Variants in TCF7L1 observed in about 807,000 individuals in gnomAD.
The protein encoded by TCF7L1 is transcription factor 7 like 1.
Under a neutral mutation model 63.7 loss-of-function variants are expected in TCF7L1, and 18 were observed. The observed-to-expected ratio is 0.28, with a 90% CI of 0.20 to 0.42. TCF7L1 has a LOEUF of 0.42. TCF7L1 is among the 10% of genes least tolerant of loss of function. TCF7L1 has a pLI of 1.00. For missense variants in TCF7L1, 654 were observed against 779.3 expected (o/e 0.84, Z 1.91); for synonymous variants, 355 against 340.9 (o/e 1.04, Z -0.46).
intron 3 of TCF7L1, among the ~76,000 whole-genome samples, chr2:85,149,307 A>G (rs550491756): frequency 7.7e-4 from 103 of 134,118 alleles, no homozygotes; most frequent in African/African-American, 2.9e-3. Context: ...ATGTGTATAT[A>G]TGTATATACA....
intron 4 of TCF7L1, among the ~76,000 whole-genome samples, chr2:85,294,599 T>C (rs1031620880): frequency 2.0e-5 from 3 of 152,188 alleles, no homozygotes; most frequent in Admixed American, 1.3e-4. Context: ...GAGAGTTTCA[T>C]GTCAAATTAT....
chr2:85,244,708 G>A (rs1680418899), intron 3 of TCF7L1, among the ~76,000 whole-genome samples: 1 of 152,118 alleles, frequency 6.6e-6, no homozygotes, highest in Admixed American at 6.5e-5. Flanking sequence ...TAGAAGTCAG[G>A]GATGAGGTCT....
intron 3 of TCF7L1, among the ~76,000 whole-genome samples, chr2:85,282,413 G>C (rs1268450417): frequency 6.6e-6 from 1 of 152,248 alleles, no homozygotes; most frequent in Non-Finnish European, 1.5e-5. Flanking sequence ...CAACCTGTCA[G>C]CGTTGACACT....
intron 3 of TCF7L1, among the ~76,000 whole-genome samples, chr2:85,236,540 A>G (rs867644907): frequency 3.3e-5 from 5 of 152,188 alleles, no homozygotes; most frequent in South Asian, 2.1e-4. Context: ...ATGAATTTTC[A>G]AGAGAAAGGT....
chr2:85,234,389 C>T (rs544257612), intron 3 of TCF7L1, among the ~76,000 whole-genome samples: 59 of 152,250 alleles, frequency 3.9e-4, no homozygotes, highest in Non-Finnish European at 7.4e-4. Flanking sequence ...CCACCTCGGC[C>T]TCCCAAAGTG....
At chr2:85,176,986 CAAA>C (rs774094748) in intron 3 of TCF7L1, among the ~76,000 whole-genome samples, 2 of 66,780 alleles carry the variant, frequency 3.0e-5, no homozygotes, top group African/African-American at 4.8e-5. Context: ...GACTCTGTCT[CAAA>C]AAAAAAAAAA....
At chr2:85,196,493 A>C (rs1259895966) in intron 3 of TCF7L1, among the ~76,000 whole-genome samples, 1 of 151,914 alleles carries the variant, frequency 6.6e-6, no homozygotes, top group Non-Finnish European at 1.5e-5. Flanking sequence ...GATGATTTGG[A>C]ATGTCCAGGC....
At chr2:85,214,874 A>C (rs1488384377) in intron 3 of TCF7L1, among the ~76,000 whole-genome samples, 2 of 152,252 alleles carry the variant, frequency 1.3e-5, no homozygotes, top group African/African-American at 4.8e-5. Context: ...CACCTTGGCA[A>C]CATTTGAATA....
intron 3 of TCF7L1, among the ~76,000 whole-genome samples, chr2:85,249,435 G>A (rs72840015): frequency 0.052 from 7,945 of 152,300 alleles, 287 homozygotes; most frequent in Non-Finnish European, 0.078. Flanking sequence ...CTGAGGATAT[G>A]TTTGTTCTTT....
rs760081564 is a variant in TCF7L1, at chr2:85,133,961, G to C, written c.249+28G>C. 6 of 1,578,020 alleles carry C rather than the reference G, an allele frequency of 3.8e-6. No individual in the cohort carries two copies. Among genetic ancestry groups the C allele is most frequent in the East Asian group, 2.3e-5 (1 of 43,012 alleles). On this transcript the variant is annotated intron_variant, in intron 1 of 11. Transcript: ENST00000282111. The surrounding 1 kb of genome is among the most constrained non-coding windows in gnomAD (Gnocchi z 4.4). The stretch of plus-strand genomic sequence containing the variant: ...AAGGAAGCACCGCGGCCACCCCCGG[G>C]GGATCCCGGCCCTGCGTCCGCTCAC...
intron 3 of TCF7L1, among the ~76,000 whole-genome samples, chr2:85,280,143 T>G (rs2104365240): frequency 6.6e-6 from 1 of 152,280 alleles, no homozygotes; most frequent in East Asian, 1.9e-4. Flanking sequence ...ACTAGAGCAG[T>G]GATTCTCAGT....
intron 3 of TCF7L1, among the ~76,000 whole-genome samples, chr2:85,223,344 A>C (rs1337170613): frequency 3.3e-5 from 5 of 152,354 alleles, no homozygotes; most frequent in South Asian, 2.1e-4. Flanking sequence ...TACAGGCATG[A>C]GCCACCACAC....
chr2:85,154,905 C>T (rs1574081797), intron 3 of TCF7L1, among the ~76,000 whole-genome samples: 1 of 152,276 alleles, frequency 6.6e-6, no homozygotes, highest in South Asian at 2.1e-4. Context: ...CAACCTCTGC[C>T]TCCCGGGTTC....
intron 3 of TCF7L1, among the ~76,000 whole-genome samples, chr2:85,273,838 G>A (rs7584115): frequency 0.034 from 5,159 of 152,246 alleles, 292 homozygotes; most frequent in African/African-American, 0.12. Context: ...CTACTATGCC[G>A]GCGAATGGAG....
chr2:85,297,961 A>G (rs1380226709), intron 4 of TCF7L1, among the ~76,000 whole-genome samples: 1 of 150,858 alleles, frequency 6.6e-6, no homozygotes, highest in Non-Finnish European at 1.5e-5. Flanking sequence ...TTTTTATTTT[A>G]TTTTATTTTT....
intron 3 of TCF7L1, among the ~76,000 whole-genome samples, chr2:85,222,558 T>C (rs1392908690): frequency 6.7e-6 from 1 of 149,860 alleles, no homozygotes; most frequent in African/African-American, 2.5e-5. Context: ...TCGTCCCAGC[T>C]ACTTGGGAGG....
chr2:85,201,074 C>T (rs1479009656), intron 3 of TCF7L1, among the ~76,000 whole-genome samples: 13 of 152,070 alleles, frequency 8.5e-5, no homozygotes, highest in African/African-American at 2.4e-4. Flanking sequence ...CAGTGGTGTG[C>T]GCCTGTAATT....
Position 85,306,701 on chromosome 2 carries a change from C to T in TCF7L1, c.1257+142C>T. 1 of 724,046 alleles carries T rather than the reference C, an allele frequency of 1.4e-6. No individual in the cohort carries two copies. The allele number at this position is 724,046 out of a possible 1,614,324, so 44.9% of individuals were successfully genotyped here. ...TTTGAGACAGAGGCTCACCCTGTCA[C>T]CCAGGCTGGAGTGCATGCAGTGGCG... On this transcript the variant is annotated intron_variant, in intron 10 of 11. Coordinates refer to ENST00000282111, the MANE Select transcript of TCF7L1 (RefSeq NM_031283.3). This position sits in a 1 kb window ranked among gnomAD's most constrained non-coding sequence, Gnocchi z 4.3.
Position 85,133,629 on chromosome 2 carries a change from C to A in TCF7L1, c.-56C>A. The A allele has an allele frequency of 1.4e-6, 1 of 713,658 alleles. No homozygotes were observed. Among genetic ancestry groups the A allele is most frequent in the Non-Finnish European group, 1.7e-6 (1 of 583,572 alleles). The allele number at this position is 713,658 out of a possible 1,614,324, so 44.2% of individuals were successfully genotyped here. A position where few individuals can be genotyped will look rare whatever the true frequency, so the allele number is the denominator to read the frequency against. On this transcript the variant is annotated 5_prime_UTR_variant, in exon 1 of 12. Coordinates refer to ENST00000282111, the MANE Select transcript of TCF7L1 (RefSeq NM_031283.3). The surrounding 1 kb of genome is among the most constrained non-coding windows in gnomAD (Gnocchi z 4.4). ...GGGAGGGGCGCCGGGCCGGGCCGGG[C>A]AGGGCGCGGGCGGCTAGGGGCTCCG...
Sources: allele counts gnomAD v4.1 joint callset (sites outside exome capture counted in the v4.1 genomes callset), GRCh38; gene constraint gnomAD v4.1.1; non-coding constraint Gnocchi (gnomAD v3.1); transcripts MANE v1.5; gene names NCBI Gene and HGNC (gene_info 2026-07-23, HGNC 2026-07-21).